ACOX3: variants seen among roughly 807,000 people sequenced by gnomAD.
ACOX3 encodes the protein peroxisomal acyl-coenzyme A oxidase 3.
ACOX3 carries 73 observed loss-of-function variants against 81.5 expected under a neutral mutation model. The observed-to-expected ratio is 0.90, with a 90% CI of 0.74 to 1.09. The LOEUF (loss-of-function observed/expected upper bound fraction) is 1.09. Ranked by LOEUF, ACOX3 falls within the 50% of genes least tolerant of loss-of-function variation. The pLI, the probability that ACOX3 is intolerant of heterozygous loss-of-function variation, is 0.00. For missense variants in ACOX3, 947 were observed against 928.0 expected (o/e 1.02, Z -0.27); for synonymous variants, 387 against 375.1 (o/e 1.03, Z -0.37).
rs963140581 is a variant in ACOX3, at chr4:8,368,084, C to A, written c.1984-1004G>T. 6.6e-6 allele frequency among the ~76,000 whole-genome samples: 1 copy of A among 152,212 alleles called. No individual in the cohort carries two copies. The highest frequency in any genetic ancestry group is 2.4e-5 in the African/African-American group (1 of 41,460). ...GGATGCTGCAAGGCTGCATCGACTG[C>A]TGCTCTGAAATCTGCTCTCACACCC... On this transcript the variant is annotated intron_variant, in intron 17 of 17. Transcript: ENST00000356406. This position sits in a 1 kb window ranked among gnomAD's most constrained non-coding sequence, Gnocchi z 5.9.
intron 7 of ACOX3, among the ~76,000 whole-genome samples, chr4:8,403,549 G>C (rs926487130): frequency 6.6e-6 from 1 of 152,230 alleles, no homozygotes; most frequent in Non-Finnish European, 1.5e-5. Context: ...GAAAGGCTCT[G>C]GGGGCTCAGT....
chr4:8,357,310 G>T, the ACOX3 span: 1 of 453,242 alleles, frequency 2.2e-6, no homozygotes, highest in Non-Finnish European at 4.4e-6. Context: ...CTGGGGCAGG[G>T]GCAAATCACT....
At position 8,405,869 on chromosome 4, in the gene ACOX3, T is replaced by A; in HGVS notation, c.776+86A>T. ...CTAAGAGGGCAGGGCATGGCATCCA[T>A]GGGGCCAGTGAGATCTCAGACATGA... is the stretch of plus-strand genomic sequence containing the variant. On this transcript the variant is annotated intron_variant, in intron 7 of 17. Transcript: ENST00000356406. This position sits in a 1 kb window ranked among gnomAD's most constrained non-coding sequence, Gnocchi z 7.1. 1 of 1,341,918 alleles carries A rather than the reference T, an allele frequency of 7.5e-7. No individual in the cohort carries two copies. 83.1% of individuals were successfully genotyped at this position (1,341,918 alleles called of 1,614,324 possible). A position where few individuals can be genotyped will look rare whatever the true frequency, so the allele number is the denominator to read the frequency against.
At chr4:8,373,941 C>T (rs536256437) in intron 15 of ACOX3, 516 of 371,768 alleles carry the variant, frequency 1.4e-3, no homozygotes, top group Non-Finnish European at 2.2e-3. Flanking sequence ...GGAGGCTGGG[C>T]GGGTTCCTTC....
intron 11 of ACOX3, among the ~76,000 whole-genome samples, chr4:8,391,818 G>A (rs79626750): frequency 1.3e-5 from 2 of 152,180 alleles, no homozygotes; most frequent in South Asian, 4.1e-4. Context: ...GGTGGCCTCC[G>A]CTCTTAACCA....
chr4:8,411,311 G>A (rs1035523350), intron 5 of ACOX3, among the ~76,000 whole-genome samples: 1 of 152,232 alleles, frequency 6.6e-6, no homozygotes, highest in South Asian at 2.1e-4. Flanking sequence ...TGCAGGGTGG[G>A]AGGCTACAAA....
At chr4:8,439,818 TTG>T (rs1197939292) in intron 1 of ACOX3, among the ~76,000 whole-genome samples, 1 of 152,154 alleles carries the variant, frequency 6.6e-6, no homozygotes, top group Non-Finnish European at 1.5e-5. Context: ...TCCCACTAAT[TTG>T]TGAAAATTCT....
chr4:8,398,026 CGGCG>C (rs1560185649), intron 8 of ACOX3, among the ~76,000 whole-genome samples: 1 of 152,132 alleles, frequency 6.6e-6, no homozygotes, highest in Admixed American at 6.5e-5. Context: ...CCAGGCCTGG[CGGCG>C]GGTGCCTGTA....
chr4:8,360,713 C>T, the ACOX3 span, among the ~76,000 whole-genome samples: 15 of 152,236 alleles, frequency 9.9e-5, no homozygotes. Context: ...ACCTTGTGAT[C>T]CACCTGCCTT....
rs535405314 is a variant in ACOX3, at chr4:8,402,905, TG to T, written c.776+3049del. The stretch of plus-strand genomic sequence containing the variant: ...TATTGCAGCAGCTTCCTTCCTCCTT[TG>T]GGGCCTGGAAGGGCCCCCCAAGCCC... On this transcript the variant is annotated intron_variant, in intron 7 of 17. Coordinates refer to ENST00000356406, the MANE Select transcript of ACOX3 (RefSeq NM_003501.3). 3.9e-5 allele frequency among the ~76,000 whole-genome samples: 6 copies of T among 152,238 alleles called. No homozygotes were observed. In the East Asian group the frequency reaches 5.8e-4, roughly 15 times the overall value.
intron 11 of ACOX3, among the ~76,000 whole-genome samples, chr4:8,391,070 T>C (rs1718942389): frequency 6.9e-6 from 1 of 143,916 alleles, no homozygotes; most frequent in African/African-American, 2.7e-5. Flanking sequence ...TATGTATATG[T>C]ATATGATTAA....
rs562171382 is a variant in ACOX3, at chr4:8,373,476, G to C, written c.1896+85C>G. 2.8e-6 allele frequency: 4 copies of C among 1,427,658 alleles called. No individual in the cohort carries two copies. In the East Asian group the frequency reaches 7.2e-5, roughly 26 times the overall value. 88.4% of individuals were successfully genotyped at this position (1,427,658 alleles called of 1,614,324 possible). On this transcript the variant is annotated intron_variant, in intron 16 of 17. Transcript: ENST00000356406. ...GGTGATACTAAGGCGGTGCGTGTCGGTCTGGGTGATGCTAAGGGGATGCGT... is the reference window on the plus strand; with the variant it reads ...GGTGATACTAAGGCGGTGCGTGTCGCTCTGGGTGATGCTAAGGGGATGCGT...
chr4:8,412,367 G>A (rs977495806), intron 5 of ACOX3, among the ~76,000 whole-genome samples: 2 of 152,144 alleles, frequency 1.3e-5, no homozygotes, highest in African/African-American at 2.4e-5. Flanking sequence ...CAGTACCCCA[G>A]GCACAGTCCA....
intron 8 of ACOX3, among the ~76,000 whole-genome samples, chr4:8,397,635 G>A (rs1011713591): frequency 5.3e-5 from 8 of 152,192 alleles, no homozygotes; most frequent in Non-Finnish European, 1.0e-4. Flanking sequence ...CTCCTCGCAC[G>A]CATCAGCGGC....
In ACOX3 at chr4:8,368,816, C is replaced by T. The variant is rs116355124; in HGVS notation, c.1984-1736G>A. On this transcript the variant is annotated intron_variant, in intron 17 of 17. Coordinates refer to ENST00000356406, the MANE Select transcript of ACOX3 (RefSeq NM_003501.3). This position sits in a 1 kb window ranked among gnomAD's most constrained non-coding sequence, Gnocchi z 5.9. ...CGATCACTGCCCACCACAGCCTCGA[C>T]CTCCCCAAGCTCAGGGGATCCTCTC... Among the ~76,000 whole-genome samples, 1,649 of 151,764 alleles carry T rather than the reference C, an allele frequency of 0.011. 27 individuals are homozygous for T. Among genetic ancestry groups the T allele is most frequent in the African/African-American group, 0.034 (1,414 of 41,328 alleles).
chr4:8,356,062 G>A, the ACOX3 span: 1 of 200,288 alleles, frequency 5.0e-6, no homozygotes, highest in Non-Finnish European at 1.0e-5. Context: ...ATTCTAGAGG[G>A]AATGAGGGCT....
Position 8,389,559 on chromosome 4 carries a change from C to A in ACOX3, c.1423+53G>T, listed in dbSNP as rs757998953. The A allele has an allele frequency of 6.2e-7, 1 of 1,610,582 alleles. No homozygotes were observed. The highest frequency in any genetic ancestry group is 8.5e-7 in the Non-Finnish European group (1 of 1,178,996). On this transcript the variant is annotated intron_variant, in intron 12 of 17. Coordinates refer to ENST00000356406, the MANE Select transcript of ACOX3 (RefSeq NM_003501.3). The surrounding 1 kb of genome is among the most constrained non-coding windows in gnomAD (Gnocchi z 5.3). ...GAATCAGTGAGGCCAGGAGAACCCA[C>A]CCCTGCCCCAGTTGGGTTCCAGCGC...
At position 8,397,042 on chromosome 4, in the gene ACOX3, A is replaced by G. The variant is rs767980395; in HGVS notation, c.951T>C (p.Leu317=). Residue 317 remains leucine (L), a synonymous_variant, in exon 9 of 18, where the codon CTT becomes CTC. Transcript: ENST00000356406. ...GRVSIVSLAI[L]NLKLAVAIAL... is the part of the protein sequence containing the mutation. ...CGATGGCCACGGCCAGCTTTAGGTT[A>G]AGGATGGCCAGGCTCACGATGGAGA... is the stretch of plus-strand genomic sequence containing the variant. 1 of 1,609,846 alleles carries G rather than the reference A, an allele frequency of 6.2e-7. No individual in the cohort carries two copies. The highest frequency in any genetic ancestry group is 8.5e-7 in the Non-Finnish European group (1 of 1,178,074).
At position 8,382,885 on chromosome 4, in the gene ACOX3, G is replaced by A. The variant is rs986157871; in HGVS notation, c.1538-1278C>T. Among the ~76,000 whole-genome samples, 6 of 151,430 alleles carry A rather than the reference G, an allele frequency of 4.0e-5. No homozygotes were observed. The highest frequency in any genetic ancestry group is 3.3e-4 in the Admixed American group (5 of 15,186). On this transcript the variant is annotated intron_variant, in intron 13 of 17. Coordinates refer to ENST00000356406, the MANE Select transcript of ACOX3 (RefSeq NM_003501.3). This position sits in a 1 kb window ranked among gnomAD's most constrained non-coding sequence, Gnocchi z 4.1. ...CAGGCGCCTGTAGTCCCAGCTACTCGGGAGGCTGAGGCAGGAGAATGGCGT... is the reference window on the plus strand; with the variant it reads ...CAGGCGCCTGTAGTCCCAGCTACTCAGGAGGCTGAGGCAGGAGAATGGCGT...
Sources: gnomAD v4.1 joint callset for allele counts (sites outside exome capture counted in the v4.1 genomes callset) on GRCh38, gnomAD v4.1.1 for gene constraint, Gnocchi (gnomAD v3.1) non-coding constraint, MANE v1.5 for transcripts, NCBI Gene and HGNC (gene_info 2026-07-23, HGNC 2026-07-21) for gene names.